The following SYNE3 variants were observed in gnomAD, a reference collection of about 807,000 sequenced individuals.
SYNE3 encodes spectrin repeat containing nuclear envelope family member 3, also known as nesprin-3.
In SYNE3, 100 loss-of-function variants were observed where a neutral mutation model predicts 111.2. The ratio of observed to expected loss-of-function variants is 0.90; its 90% CI spans 0.77 to 1.06. The LOEUF (loss-of-function observed/expected upper bound fraction) is 1.06, where lower values mean the gene tolerates loss of function less well. Ranked by LOEUF, SYNE3 falls within the 50% of genes least tolerant of loss-of-function variation. The pLI is 0.00. For missense variants in SYNE3, 1,160 were observed against 1,240.3 expected (o/e 0.94, Z 0.97); for synonymous variants, 547 against 533.9 (o/e 1.02, Z -0.34).
At chr14:95,419,186 C>T (rs1000360441) in intron 17 of SYNE3, among the ~76,000 whole-genome samples, 23 of 152,202 alleles carry the variant, frequency 1.5e-4, no homozygotes, top group African/African-American at 5.3e-4. Context: ...GAGTGAGGCC[C>T]TCATGGTCAA....
Position 95,485,709 on chromosome 14 carries a change from T to C in SYNE3, c.-14-9874A>G, listed in dbSNP as rs2139551974. ...CCACAGGCTCAGCTCAGATGGCTCC[T>C]CTTCCAGAAAGCCTTCCCTGAATGA... On this transcript the variant is annotated intron_variant, in intron 1 of 17. Coordinates refer to ENST00000682763, the MANE Select transcript of SYNE3 (RefSeq NM_152592.6). This position sits in a 1 kb window ranked among gnomAD's most constrained non-coding sequence, Gnocchi z 4.3. 1.3e-5 allele frequency among the ~76,000 whole-genome samples: 2 copies of C among 152,246 alleles called. No homozygotes were observed. The highest frequency in any genetic ancestry group is 6.8e-3 in the Middle Eastern group (2 of 294).
intron 1 of SYNE3, among the ~76,000 whole-genome samples, chr14:95,480,939 T>C (rs1299148480): frequency 6.6e-6 from 1 of 152,142 alleles, no homozygotes; most frequent in Non-Finnish European, 1.5e-5. Context: ...CGGGGCTGCC[T>C]CTCAGCTGAG....
intron 1 of SYNE3, among the ~76,000 whole-genome samples, chr14:95,505,922 C>G (rs1890510857): frequency 6.6e-6 from 1 of 152,124 alleles, no homozygotes; most frequent in African/African-American, 2.4e-5. Flanking sequence ...CTCAACCATC[C>G]CTGTGCATCA....
At position 95,470,692 on chromosome 14, in the gene SYNE3, G is replaced by T. The variant is rs559224329; in HGVS notation, c.145-2725C>A. 6.6e-6 allele frequency among the ~76,000 whole-genome samples: 1 copy of T among 151,694 alleles called. No individual in the cohort carries two copies. The highest frequency in any genetic ancestry group is 1.5e-5 in the Non-Finnish European group (1 of 67,966). The stretch of plus-strand genomic sequence containing the variant: ...AGAAAAAAAAGAGCCGGATGTGGTG[G>T]CTCACGCCTGTAATCCCAACACTTT... On this transcript the variant is annotated intron_variant, in intron 2 of 17. Coordinates refer to ENST00000682763, the MANE Select transcript of SYNE3 (RefSeq NM_152592.6). The surrounding 1 kb of genome is among the most constrained non-coding windows in gnomAD (Gnocchi z 4.2).
chr14:95,497,877 C>T (rs1011617949), intron 1 of SYNE3, among the ~76,000 whole-genome samples: 1 of 151,990 alleles, frequency 6.6e-6, no homozygotes, highest in Non-Finnish European at 1.5e-5. Flanking sequence ...AGAATGAAGC[C>T]GGATGCAGTG....
At chr14:95,455,955 G>GAC in intron 5 of SYNE3, 2 of 511,266 alleles carry the variant, frequency 3.9e-6, no homozygotes, top group Non-Finnish European at 6.9e-6. Context: ...ATTTGATTAA[G>GAC]TCAAGGAGAA....
At chr14:95,462,198 G>T (rs1228254682) in intron 4 of SYNE3, among the ~76,000 whole-genome samples, 1 of 152,098 alleles carries the variant, frequency 6.6e-6, no homozygotes, top group East Asian at 1.9e-4. Flanking sequence ...GAGGCTGCAG[G>T]GGTCCGCGTG....
Position 95,409,390 on chromosome 14 carries a change from C to T in SYNE3, c.*8436G>A, listed in dbSNP as rs1032140769. 8.8e-6 allele frequency: 4 copies of T among 456,612 alleles called. No homozygotes were observed. The highest frequency in any genetic ancestry group is 4.6e-5 in the South Asian group (3 of 64,564). The allele number at this position is 456,612 out of a possible 1,614,324, so 28.3% of individuals were successfully genotyped here. ...AGAGGGACTGTAGGACTTTGTCCCT[C>T]ATCTCCACAGAGGTGCTGGGGATGG... On this transcript the variant is annotated 3_prime_UTR_variant, in exon 18 of 18. Transcript: ENST00000682763.
intron 15 of SYNE3, among the ~76,000 whole-genome samples, chr14:95,436,232 G>A (rs1886077855): frequency 1.3e-5 from 2 of 152,150 alleles, no homozygotes; most frequent in Admixed American, 1.3e-4. Context: ...CAAACAGAAT[G>A]CAGGGGAATT....
rs1429386548 is a variant in SYNE3 at position 95,414,135 on chromosome 14, C to T, written c.*3691G>A. Reference sequence around the variant, plus strand: ...GCCTGCTTGCCCAGGGAACTCCATTCCCAGAGGCTACAGAGACTGCAACCT... The same window carrying T: ...GCCTGCTTGCCCAGGGAACTCCATTTCCAGAGGCTACAGAGACTGCAACCT... On this transcript the variant is annotated 3_prime_UTR_variant, in exon 18 of 18. Transcript: ENST00000682763. The T allele has an allele frequency of 6.6e-6, 1 of 152,224 alleles. No homozygotes were observed. The highest frequency in any genetic ancestry group is 2.4e-5 in the African/African-American group (1 of 41,454). 9.4% of individuals were successfully genotyped at this position (152,224 alleles called of 1,614,324 possible).
chr14:95,466,023 A>G lies in SYNE3; in HGVS notation c.535T>C (p.Ser179Pro), dbSNP rs1006939342. ...LLDRLLEEAA[S>P]LFNRIGDPSV... is the part of the protein sequence containing the mutation. ...GGGTCCCCGATCCTGTTGAACAGGG[A>G]GGCTGCCTCCTCCAGCAGCCGGTCC... is the stretch of plus-strand genomic sequence containing the variant. Residue 179 changes from serine to proline, a missense_variant, in exon 4 of 18, where the codon TCC becomes CCC. Transcript: ENST00000682763. The G allele has an allele frequency of 3.1e-6, 5 of 1,612,242 alleles. No individual in the cohort carries two copies.
chr14:95,442,160 C>G (rs1886448413), intron 11 of SYNE3, among the ~76,000 whole-genome samples: 1 of 152,194 alleles, frequency 6.6e-6, no homozygotes, highest in Non-Finnish European at 1.5e-5. Context: ...AAAGTGCTAT[C>G]AAGCGTTGTT....
chr14:95,489,521 G>A (rs1233279118), intron 1 of SYNE3, among the ~76,000 whole-genome samples: 1 of 152,238 alleles, frequency 6.6e-6, no homozygotes, highest in African/African-American at 2.4e-5. Flanking sequence ...CACACAGTAA[G>A]TGCTCACACA....
chr14:95,432,248 T>C (rs1885815766), intron 16 of SYNE3, 131 bp from the exon 17 acceptor site: 1 of 1,064,460 alleles, frequency 9.4e-7, no homozygotes, highest in South Asian at 1.5e-5. Flanking sequence ...CTTCTGGTCA[T>C]CTGGACAGCC....
At chr14:95,465,834 T>C in intron 4 of SYNE3, 97 bp downstream of exon 4, 3 of 1,309,536 alleles carry the variant, frequency 2.3e-6, no homozygotes, top group Non-Finnish European at 3.1e-6. Context: ...AGTAGGTAAA[T>C]AGCTTGATAG....
chr14:95,425,967 A>G (rs765436298), intron 17 of SYNE3, among the ~76,000 whole-genome samples: 2 of 152,142 alleles, frequency 1.3e-5, no homozygotes, highest in Non-Finnish European at 2.9e-5. Context: ...CCAGTGCCCC[A>G]GGGCCAAATG....
At chr14:95,507,794 C>A (rs1434811540) in intron 1 of SYNE3, among the ~76,000 whole-genome samples, 2 of 152,184 alleles carry the variant, frequency 1.3e-5, no homozygotes, top group African/African-American at 4.8e-5. Flanking sequence ...CAGCCACTGG[C>A]TTGTGGTCAC....
intron 1 of SYNE3, among the ~76,000 whole-genome samples, chr14:95,483,148 T>A (rs1378257515): frequency 6.6e-6 from 1 of 152,156 alleles, no homozygotes; most frequent in African/African-American, 2.4e-5. Flanking sequence ...CTGTGCCCGC[T>A]CACTCCAGCC....
At chr14:95,429,106 C>T (rs1885598998) in intron 17 of SYNE3, among the ~76,000 whole-genome samples, 2 of 152,234 alleles carry the variant, frequency 1.3e-5, no homozygotes, top group African/African-American at 4.8e-5. Flanking sequence ...ACACTCCAAC[C>T]CGTGAAGAAT....
Sources: allele counts gnomAD v4.1 joint callset (sites outside exome capture counted in the v4.1 genomes callset), GRCh38; gene constraint gnomAD v4.1.1; non-coding constraint Gnocchi (gnomAD v3.1); transcripts MANE v1.5; gene names NCBI Gene and HGNC (gene_info 2026-07-23, HGNC 2026-07-21).